The following YOD1 variants were observed in gnomAD, a reference collection of about 807,000 sequenced individuals.
YOD1 encodes the protein YOD1 deubiquitinase, also known as ubiquitin thioesterase OTU1.
YOD1 carries 17 observed loss-of-function variants against 23.7 expected under a neutral mutation model. The observed-to-expected ratio is 0.72, with a 90% CI of 0.49 to 1.07. The LOEUF (loss-of-function observed/expected upper bound fraction) is 1.07, where lower values mean the gene tolerates loss of function less well. Among genes scored for constraint, YOD1 ranks in the 50% least tolerant of loss-of-function variants. The pLI is 0.00. For synonymous variants in YOD1, 191 were observed against 169.6 expected (o/e 1.13, Z -0.98); for missense variants, 413 against 447.2 (o/e 0.92, Z 0.69).
At position 207,049,572 on chromosome 1, in the gene YOD1, C is replaced by T. The variant is rs1341588200; in HGVS notation, c.495G>A (p.Val165=). 56 of 1,614,082 alleles carry T rather than the reference C, an allele frequency of 3.5e-5. No homozygotes were observed. The highest frequency in any genetic ancestry group is 4.7e-5 in the Non-Finnish European group (56 of 1,180,048). Residue 165 remains valine (V), a synonymous_variant, in exon 2 of 2, where the codon GTG becomes GTA. Transcript: ENST00000315927. ...PADNSCLFTS[V]YYVVEGGVLN... ...AGACTCCTCCTTCGACGACATAGTA[C>T]ACACTAGTAAAGAGGCAAGAGTTGT...
Position 207,044,287 on chromosome 1 carries a change from T to C in YOD1, c.*4733A>G, listed in dbSNP as rs1165930087. The C allele has an allele frequency of 6.6e-6, 1 of 152,580 alleles. No homozygotes were observed. The highest frequency in any genetic ancestry group is 2.1e-4 in the South Asian group (1 of 4,832). The allele number at this position is 152,580 out of a possible 1,614,324, so 9.5% of individuals were successfully genotyped here. A position where few individuals can be genotyped will look rare whatever the true frequency, so the allele number is the denominator to read the frequency against. ...ATTCATATTCATTCTGTATTTAGGC[T>C]GAATTCAAATTTTTTTCAAGGAAAA... On this transcript the variant is annotated 3_prime_UTR_variant, in exon 2 of 2. Transcript: ENST00000315927.
In YOD1 at chr1:207,048,092, G is replaced by GA. The variant is rs947591304; in HGVS notation, c.*927dup. The GA allele has an allele frequency of 6.6e-6, 1 of 152,398 alleles. No homozygotes were observed. The highest frequency in any genetic ancestry group is 1.5e-5 in the Non-Finnish European group (1 of 67,964). The allele number at this position is 152,398 out of a possible 1,614,324, so 9.4% of individuals were successfully genotyped here. ...CCCCGATAAACTTTACGCAAATGAA[G>GA]AAAAAACTGAGGACTCGAATTTCAA... On this transcript the variant is annotated 3_prime_UTR_variant, in exon 2 of 2. Coordinates refer to ENST00000315927, the MANE Select transcript of YOD1 (RefSeq NM_018566.4).
chr1:207,044,950 T>C lies in YOD1; in HGVS notation c.*4070A>G, dbSNP rs1682559473. Reference sequence around the variant, plus strand: ...AACATTCAAAGCACTGTAAGCAAAATGCTAGATAATTTTGAGAAAAATAAA... The same window carrying C: ...AACATTCAAAGCACTGTAAGCAAAACGCTAGATAATTTTGAGAAAAATAAA... On this transcript the variant is annotated 3_prime_UTR_variant, in exon 2 of 2. Transcript: ENST00000315927. The C allele has an allele frequency of 6.6e-6, 1 of 152,480 alleles. No homozygotes were observed. The highest frequency in any genetic ancestry group is 1.5e-5 in the Non-Finnish European group (1 of 67,940). The allele number at this position is 152,480 out of a possible 1,614,324, so 9.4% of individuals were successfully genotyped here. A position where few individuals can be genotyped will look rare whatever the true frequency, so the allele number is the denominator to read the frequency against.
upstream of YOD1, among the ~76,000 whole-genome samples, chr1:207,051,804 G>GT: frequency 6.6e-6 from 1 of 152,208 alleles, no homozygotes; most frequent in East Asian, 1.9e-4. Flanking sequence ...TAGATTATCT[G>GT]TACCTTTTCA....
chr1:207,047,407 C>T lies in YOD1; in HGVS notation c.*1613G>A, dbSNP rs992602446. On this transcript the variant is annotated 3_prime_UTR_variant, in exon 2 of 2. Coordinates refer to ENST00000315927, the MANE Select transcript of YOD1 (RefSeq NM_018566.4). ...CTTAATTTTATATGGCCACCTTCAC[C>T]AAGTGAAAGTGCTAAAAATAAATGT... is the stretch of plus-strand genomic sequence containing the variant. The T allele has an allele frequency of 6.6e-6, 1 of 152,458 alleles. No homozygotes were observed. Among genetic ancestry groups the T allele is most frequent in the Non-Finnish European group, 1.5e-5 (1 of 67,966 alleles). 9.4% of individuals were successfully genotyped at this position (152,458 alleles called of 1,614,324 possible). A position where few individuals can be genotyped will look rare whatever the true frequency, so the allele number is the denominator to read the frequency against.
rs1034350065 is a variant in YOD1 at position 207,044,424 on chromosome 1, G to A, written c.*4596C>T. On this transcript the variant is annotated 3_prime_UTR_variant, in exon 2 of 2. Transcript: ENST00000315927. Reference sequence around the variant, plus strand: ...TCCCCTGGTCCTTTAAGTAACTTACGGGCTAATTACATAGCCTATACCAGT... The same window carrying A: ...TCCCCTGGTCCTTTAAGTAACTTACAGGCTAATTACATAGCCTATACCAGT... 2.6e-5 allele frequency: 4 copies of A among 152,364 alleles called. No individual in the cohort carries two copies. Among genetic ancestry groups the A allele is most frequent in the African/African-American group, 4.8e-5 (2 of 41,362 alleles). 9.4% of individuals were successfully genotyped at this position (152,364 alleles called of 1,614,324 possible). A position where few individuals can be genotyped will look rare whatever the true frequency, so the allele number is the denominator to read the frequency against.
rs1177236623 is a variant in YOD1, at chr1:207,045,288, ATAAG to A, written c.*3728_*3731del. On this transcript the variant is annotated 3_prime_UTR_variant, in exon 2 of 2. Transcript: ENST00000315927. ...AATAATACAAGATATTCACATAATA[ATAAG>A]TAACATTTTTAATGCTAGGGCACAG... is the stretch of plus-strand genomic sequence containing the variant. 1.3e-5 allele frequency: 2 copies of A among 152,508 alleles called. No individual in the cohort carries two copies. The highest frequency in any genetic ancestry group is 1.9e-4 in the East Asian group (1 of 5,204). 9.4% of individuals were successfully genotyped at this position (152,508 alleles called of 1,614,324 possible).
At position 207,050,781 on chromosome 1, in the gene YOD1, G is replaced by A; in HGVS notation, c.250C>T (p.Pro84Ser). Residue 84 changes from proline (P) to serine (S), a missense_variant, in exon 1 of 2, where the codon CCC becomes TCC. Physicochemically the swap from Pro to Ser is moderately conservative, Grantham distance 74. Coordinates refer to ENST00000315927, the MANE Select transcript of YOD1 (RefSeq NM_018566.4). The part of the protein sequence containing the change: ...GQIAAITGIA[P>S]GGQRILVGYP... ...CCGACGAGGATTCGCTGACCGCCGG[G>A]GGCGATCCCGGTGATGGCGGCAATT... The A allele has an allele frequency of 2.5e-6, 4 of 1,613,456 alleles. No homozygotes were observed. Among genetic ancestry groups the A allele is most frequent in the Non-Finnish European group, 2.5e-6 (3 of 1,180,028 alleles).
chr1:207,052,302 C>T (rs116572563), upstream of YOD1: 1,014 of 1,340,100 alleles, frequency 7.6e-4, 8 homozygotes, highest in African/African-American at 0.013. Flanking sequence ...TTCTTCAAGA[C>T]GACTGCAACG....
upstream of YOD1, chr1:207,052,925 G>A (rs1426722376): frequency 2.6e-5 from 4 of 152,202 alleles, no homozygotes; most frequent in African/African-American, 4.8e-5. Flanking sequence ...GTTAATCTTT[G>A]CAGCATTTTC....
In YOD1 at chr1:207,051,084, C is replaced by A; in HGVS notation, c.-54G>T. 1 of 1,443,952 alleles carries A rather than the reference C, an allele frequency of 6.9e-7. No individual in the cohort carries two copies. Among genetic ancestry groups the A allele is most frequent in the Non-Finnish European group, 9.1e-7 (1 of 1,103,308 alleles). 89.4% of individuals were successfully genotyped at this position (1,443,952 alleles called of 1,614,324 possible). ...TCGCGACGCTTCGGTGCGGCTTCTG[C>A]CTTAGTACCTTAGCAAGCGCGAACT... is the stretch of plus-strand genomic sequence containing the variant. On this transcript the variant is annotated 5_prime_UTR_variant, in exon 1 of 2. Transcript: ENST00000315927.
In YOD1 at chr1:207,051,197, T is replaced by A. The variant is rs1402570500; in HGVS notation, c.-167A>T. On this transcript the variant is annotated 5_prime_UTR_variant, in exon 1 of 2. Coordinates refer to ENST00000315927, the MANE Select transcript of YOD1 (RefSeq NM_018566.4). ...CTAAAGGACAACGGGTCTTGCTACC[T>A]ATAGAGCGAGTGAGGTGCCCTCCGC... 7.5e-6 allele frequency: 10 copies of A among 1,335,150 alleles called. No individual in the cohort carries two copies. The highest frequency in any genetic ancestry group is 4.5e-5 in the African/African-American group (3 of 66,530). The allele number at this position is 1,335,150 out of a possible 1,614,324, so 82.7% of individuals were successfully genotyped here. A position where few individuals can be genotyped will look rare whatever the true frequency, so the allele number is the denominator to read the frequency against.
At chr1:207,052,246 C>T (rs773361035), upstream of YOD1, 25 of 1,611,054 alleles carry the variant, frequency 1.6e-5, no homozygotes, top group Non-Finnish European at 2.0e-5. Context: ...CTTTTCACAT[C>T]TTTCATGACT....
Position 207,049,491 on chromosome 1 carries a change from G to T in YOD1, c.576C>A (p.Ser192Arg), listed in dbSNP as rs115190692. 2.5e-6 allele frequency: 4 copies of T among 1,614,096 alleles called. No homozygotes were observed. Among genetic ancestry groups the T allele is most frequent in the South Asian group, 1.1e-5 (1 of 91,068 alleles). Residue 192 changes from serine to arginine, a missense_variant, in exon 2 of 2, where the codon AGC (serine) becomes AGA (arginine). Coordinates refer to ENST00000315927, the MANE Select transcript of YOD1 (RefSeq NM_018566.4). ...MRRLIAQIVA[S>R]DPDFYSEAIL... Reference sequence around the variant, plus strand: ...TTGCCTCACTATAGAAGTCTGGATCGCTTGCTACAATTTGTGCTATGAGGC... The same window carrying T: ...TTGCCTCACTATAGAAGTCTGGATCTCTTGCTACAATTTGTGCTATGAGGC...
Position 207,049,288 on chromosome 1 carries a change from A to G in YOD1, c.779T>C (p.Leu260Pro). Residue 260 changes from leucine (L) to proline (P), a missense_variant, in exon 2 of 2, where the codon CTG (leucine) becomes CCG (proline). Physicochemically the swap from Leu to Pro is moderately conservative, Grantham distance 98. Coordinates refer to ENST00000315927, the MANE Select transcript of YOD1 (RefSeq NM_018566.4). ...GEDAGYTKRV[L>P]LIYDGIHYDP... ...ATAGTGGATGCCATCATAAATAAGC[A>G]GAACCCTTTTGGTATATCCTGCATC... is the stretch of plus-strand genomic sequence containing the variant. 6.2e-7 allele frequency: 1 copy of G among 1,614,188 alleles called. No homozygotes were observed. The highest frequency in any genetic ancestry group is 8.5e-7 in the Non-Finnish European group (1 of 1,180,034).
In YOD1 at chr1:207,044,476, T is replaced by C. The variant is rs765081736; in HGVS notation, c.*4544A>G. 3 of 152,534 alleles carry C rather than the reference T, an allele frequency of 2.0e-5. No individual in the cohort carries two copies. Among genetic ancestry groups the C allele is most frequent in the Non-Finnish European group, 2.9e-5 (2 of 67,968 alleles). The allele number at this position is 152,534 out of a possible 1,614,324, so 9.4% of individuals were successfully genotyped here. On this transcript the variant is annotated 3_prime_UTR_variant, in exon 2 of 2. Transcript: ENST00000315927. The stretch of plus-strand genomic sequence containing the variant: ...TATAAAGTAGACTCATGTAATCATA[T>C]TAGAAATTCTGAGCCTAAGATGATC...
rs1558052422 is a variant in YOD1, at chr1:207,045,323, G to A, written c.*3697C>T. 6.6e-6 allele frequency: 1 copy of A among 152,442 alleles called. No homozygotes were observed. The highest frequency in any genetic ancestry group is 2.4e-5 in the African/African-American group (1 of 41,424). The allele number at this position is 152,442 out of a possible 1,614,324, so 9.4% of individuals were successfully genotyped here. A position where few individuals can be genotyped will look rare whatever the true frequency, so the allele number is the denominator to read the frequency against. ...TTTTTAATGCTAGGGCACAGACCAT[G>A]CTCCTAATAGTTACTGAAATTGAGT... On this transcript the variant is annotated 3_prime_UTR_variant, in exon 2 of 2. Coordinates refer to ENST00000315927, the MANE Select transcript of YOD1 (RefSeq NM_018566.4).
rs771050145 is a variant in YOD1, at chr1:207,049,694, T to C, written c.373A>G (p.Thr125Ala). ...GDMLIIEEDQ[T>A]RPRSSPAFTK... ...AATGCAGGTGAACTTCTGGGCCTGG[T>C]TTGGTCTTCTTCAATGATCAGCATG... Residue 125 changes from threonine (T) to alanine (A), a missense_variant, in exon 2 of 2, where the codon ACC (threonine) becomes GCC (alanine). Transcript: ENST00000315927. The C allele has an allele frequency of 6.2e-6, 10 of 1,613,964 alleles. No homozygotes were observed. The highest frequency in any genetic ancestry group is 7.6e-6 in the Non-Finnish European group (9 of 1,179,968).
Position 207,045,999 on chromosome 1 carries a change from C to T in YOD1, c.*3021G>A, listed in dbSNP as rs893070438. ...AAAAGATGGAACACACTAATGTCTTCACTTGGCTAACACATCACAAAATTT... is the reference window on the plus strand; with the variant it reads ...AAAAGATGGAACACACTAATGTCTTTACTTGGCTAACACATCACAAAATTT... On this transcript the variant is annotated 3_prime_UTR_variant, in exon 2 of 2. Coordinates refer to ENST00000315927, the MANE Select transcript of YOD1 (RefSeq NM_018566.4). 1 of 152,016 alleles carries T rather than the reference C, an allele frequency of 6.6e-6. No homozygotes were observed. The highest frequency in any genetic ancestry group is 2.4e-5 in the African/African-American group (1 of 41,416). The allele number at this position is 152,016 out of a possible 1,614,324, so 9.4% of individuals were successfully genotyped here.
Sources: gnomAD v4.1 joint callset for allele counts (sites outside exome capture counted in the v4.1 genomes callset) on GRCh38, gnomAD v4.1.1 for gene constraint, MANE v1.5 for transcripts, NCBI Gene and HGNC (gene_info 2026-07-23, HGNC 2026-07-21) for gene names.